The following AFG2B variants were observed in gnomAD, a reference collection of about 807,000 sequenced individuals.
The protein encoded by AFG2B is AAA ATPase AFG2B, also known as ATPase family gene 2 protein homolog B.
the AFG2B span, chr15:45,402,610 G>T: frequency 6.3e-7 from 1 of 1,575,460 alleles, no homozygotes; most frequent in Non-Finnish European, 8.6e-7. Flanking sequence ...CCTCTGCACT[G>T]CCTGGCCTCG....
the AFG2B span, chr15:45,407,166 C>T: frequency 7.8e-7 from 1 of 1,277,112 alleles, no homozygotes; most frequent in Non-Finnish European, 1.0e-6. Context: ...TCAGAAACAA[C>T]CCAGGGGAAG....
chr15:45,403,569 C>G, the AFG2B span: 1 of 1,578,180 alleles, frequency 6.3e-7, no homozygotes. Flanking sequence ...TCGGCCGCTT[C>G]TGGCGCCATT....
chr15:45,413,867 G>GT, the AFG2B span, among the ~76,000 whole-genome samples: 9 of 152,094 alleles, frequency 5.9e-5, no homozygotes, highest in East Asian at 1.4e-3. Context: ...TTAGGCCCGA[G>GT]TTTTTTTGCA....
chr15:45,404,819 AAAAAG>A, the AFG2B span, among the ~76,000 whole-genome samples: 2 of 151,018 alleles, frequency 1.3e-5, no homozygotes, highest in African/African-American at 2.4e-5. Flanking sequence ...AAAAAAAAAA[AAAAAG>A]AAAAAAAAAA....
At chr15:45,421,204 T>A in the AFG2B span, 1 of 1,597,068 alleles carries the variant, frequency 6.3e-7, no homozygotes, top group South Asian at 1.1e-5. Flanking sequence ...ACGTGGAAGG[T>A]ATTTAAAAAT....
At chr15:45,408,139 G>A in the AFG2B span, among the ~76,000 whole-genome samples, 96 of 152,188 alleles carry the variant, frequency 6.3e-4, 1 homozygote, top group Non-Finnish European at 3.5e-4. Context: ...GTATGAACAG[G>A]TAGTTGACAA....
At chr15:45,415,052 T>C in the AFG2B span, among the ~76,000 whole-genome samples, 1 of 152,204 alleles carries the variant, frequency 6.6e-6, no homozygotes, top group Non-Finnish European at 1.5e-5. Flanking sequence ...TTATCCTGCT[T>C]TTTTAAACTT....
the AFG2B span, chr15:45,405,496 T>C: frequency 4.3e-6 from 7 of 1,613,244 alleles, no homozygotes; most frequent in Non-Finnish European, 5.9e-6. Flanking sequence ...CCCTCCTTCA[T>C]AGTGAGAAGG....
the AFG2B span, chr15:45,402,637 G>C: frequency 1.3e-6 from 2 of 1,578,412 alleles, no homozygotes. Context: ...CGGAGCGGAC[G>C]GCTTTGTGCA....
At chr15:45,410,244 A>T in the AFG2B span, 1 of 1,015,506 alleles carries the variant, frequency 9.8e-7, no homozygotes, top group Non-Finnish European at 1.4e-6. Flanking sequence ...ATGTATATAA[A>T]TTGTTTTTAT....
At chr15:45,414,768 A>G in the AFG2B span, 2 of 1,614,020 alleles carry the variant, frequency 1.2e-6, no homozygotes, top group Admixed American at 1.7e-5. Flanking sequence ...ATTCAGAAAA[A>G]GTGTTGTCTC....
the AFG2B span, among the ~76,000 whole-genome samples, chr15:45,411,701 C>T: frequency 6.6e-6 from 1 of 152,026 alleles, no homozygotes; most frequent in South Asian, 2.1e-4. Flanking sequence ...GAGGCTTGAC[C>T]CCAGGACACC....
the AFG2B span, among the ~76,000 whole-genome samples, chr15:45,413,474 A>G: frequency 7.3e-4 from 111 of 152,320 alleles, no homozygotes; most frequent in Non-Finnish European, 1.2e-3. Context: ...CCATCCCCTA[A>G]GTCAGAAATC....
the AFG2B span, chr15:45,403,164 G>A: frequency 1.4e-6 from 2 of 1,463,196 alleles, no homozygotes; most frequent in Non-Finnish European, 1.8e-6. Context: ...CCCCCGGAGT[G>A]GGCAAGACCC....
At chr15:45,407,307 C>T in the AFG2B span, 1 of 1,053,406 alleles carries the variant, frequency 9.5e-7, no homozygotes, top group South Asian at 1.9e-5. Context: ...ATAAGGGATA[C>T]CTTACACTTT....
the AFG2B span, among the ~76,000 whole-genome samples, chr15:45,408,969 G>A: frequency 6.6e-6 from 1 of 152,242 alleles, no homozygotes; most frequent in Non-Finnish European, 1.5e-5. Context: ...TTGCAAGACG[G>A]GCGATTTTTT....
chr15:45,417,814 G>A, the AFG2B span: 1 of 155,906 alleles, frequency 6.4e-6, no homozygotes, highest in South Asian at 1.9e-4. Flanking sequence ...AGAAATCTGA[G>A]ATTACAGAGA....
the AFG2B span, chr15:45,402,895 G>T: frequency 6.3e-7 from 1 of 1,598,314 alleles, no homozygotes; most frequent in Non-Finnish European, 8.5e-7. Flanking sequence ...TCCGCCAGGC[G>T]CTCCTGGCCT....
chr15:45,404,578 G>A, the AFG2B span, among the ~76,000 whole-genome samples: 1 of 151,996 alleles, frequency 6.6e-6, no homozygotes, highest in Non-Finnish European at 1.5e-5. Flanking sequence ...AGGCTGAGGT[G>A]GGTGGATCAC....
Sources: gnomAD v4.1 joint callset for allele counts (sites outside exome capture counted in the v4.1 genomes callset) on GRCh38, gnomAD v4.1.1 for gene constraint, MANE v1.5 for transcripts, NCBI Gene and HGNC (gene_info 2026-07-23, HGNC 2026-07-21) for gene names.